The following SOX5 variants were observed in gnomAD, a reference collection of about 807,000 sequenced individuals.
The protein encoded by SOX5 is SRY-box transcription factor 5.
In SOX5, 9 loss-of-function variants were observed where a neutral mutation model predicts 92.0. The observed-to-expected ratio is 0.10, with a 90% confidence interval of 0.06 to 0.17. The LOEUF (loss-of-function observed/expected upper bound fraction) is 0.17. SOX5 is among the 10% of genes least tolerant of loss of function. The probability of loss-of-function intolerance (pLI) is 1.00; values close to 1 mark genes in which losing one functional copy is unlikely to be tolerated. For synonymous variants in SOX5, 344 were observed against 336.3 expected (o/e 1.02, Z -0.25); for missense variants, 642 against 944.5 (o/e 0.68, Z 4.20).
chr12:23,724,948 C>G (rs895157745), intron 6 of SOX5, among the ~76,000 whole-genome samples: 2 of 152,290 alleles, frequency 1.3e-5, no homozygotes, highest in East Asian at 1.9e-4. Context: ...TAGGAGCTTA[C>G]TGCAGTAGTC....
intron 10 of SOX5, among the ~76,000 whole-genome samples, chr12:23,569,876 C>T (rs1445739872): frequency 6.6e-6 from 1 of 152,226 alleles, no homozygotes; most frequent in Non-Finnish European, 1.5e-5. Context: ...TATTGTCTTG[C>T]ATTTGTCTTT....
intron 1 of SOX5, among the ~76,000 whole-genome samples, chr12:24,465,722 G>A (rs1184177246): frequency 6.6e-6 from 1 of 152,118 alleles, no homozygotes; most frequent in Non-Finnish European, 1.5e-5. Flanking sequence ...ATTAGTCAGG[G>A]GCCAAATGAA....
At chr12:23,878,789 A>G (rs555818226) in intron 2 of SOX5, among the ~76,000 whole-genome samples, 34 of 152,066 alleles carry the variant, frequency 2.2e-4, no homozygotes, top group Non-Finnish European at 3.7e-4. Context: ...ACTACATCAT[A>G]CTGACTTTCC....
intron 4 of SOX5, among the ~76,000 whole-genome samples, chr12:24,101,560 C>T (rs1333486920): frequency 2.0e-5 from 3 of 152,096 alleles, no homozygotes; most frequent in Non-Finnish European, 2.9e-5. Flanking sequence ...AGTTCAGTTC[C>T]AGACACATAG....
intron 3 of SOX5, among the ~76,000 whole-genome samples, chr12:23,838,845 G>GGT (rs1407602969): frequency 2.9e-5 from 2 of 69,772 alleles, no homozygotes; most frequent in Non-Finnish European, 6.1e-5. Flanking sequence ...TTTTTTTTTG[G>GGT]GGGGGGGGGG....
At chr12:24,502,174 T>C (rs1199776999) in intron 1 of SOX5, among the ~76,000 whole-genome samples, 2 of 152,238 alleles carry the variant, frequency 1.3e-5, no homozygotes, top group Non-Finnish European at 2.9e-5. Flanking sequence ...GGGCAAGACT[T>C]TACTTTCTAA....
chr12:23,719,834 T>G (rs2092717815), intron 6 of SOX5, among the ~76,000 whole-genome samples: 1 of 149,142 alleles, frequency 6.7e-6, no homozygotes, highest in Non-Finnish European at 1.5e-5. Flanking sequence ...TATTTCTGCA[T>G]TATGTTCATT....
At chr12:24,001,370 G>T (rs1207413490) in intron 4 of SOX5, among the ~76,000 whole-genome samples, 1 of 151,954 alleles carries the variant, frequency 6.6e-6, no homozygotes, top group African/African-American at 2.4e-5. Flanking sequence ...GGGATTACAA[G>T]CATGAGCCAC....
At chr12:24,533,558 T>C (rs1385345548) in intron 1 of SOX5, among the ~76,000 whole-genome samples, 2 of 152,094 alleles carry the variant, frequency 1.3e-5, no homozygotes, top group African/African-American at 4.8e-5. Flanking sequence ...TTTCAGGACA[T>C]CAGTCCAACA....
chr12:24,072,666 T>C (rs1236104900), intron 4 of SOX5, among the ~76,000 whole-genome samples: 8 of 152,238 alleles, frequency 5.3e-5, no homozygotes, highest in Non-Finnish European at 2.9e-5. Context: ...AGCACCATTT[T>C]GTCAACTTCT....
chr12:24,325,443 G>C (rs1249666952), intron 2 of SOX5, among the ~76,000 whole-genome samples: 1 of 152,022 alleles, frequency 6.6e-6, no homozygotes, highest in Non-Finnish European at 1.5e-5. Context: ...AAATAGAGAG[G>C]GAAGAACCGT....
At chr12:24,180,898 A>G (rs990561998) in intron 4 of SOX5, among the ~76,000 whole-genome samples, 2 of 152,186 alleles carry the variant, frequency 1.3e-5, no homozygotes, top group African/African-American at 2.4e-5. Context: ...CAACTCACCC[A>G]TGGCTCACAC....
chr12:24,087,905 C>T (rs1229974632), intron 4 of SOX5, among the ~76,000 whole-genome samples: 1 of 151,856 alleles, frequency 6.6e-6, no homozygotes, highest in African/African-American at 2.4e-5. Context: ...TATTTCTCCC[C>T]CTTACTAATA....
chr12:24,156,633 A>G (rs1334601504), intron 4 of SOX5, among the ~76,000 whole-genome samples: 1 of 152,182 alleles, frequency 6.6e-6, no homozygotes, highest in African/African-American at 2.4e-5. Context: ...TTAAGAAACT[A>G]TAATACAATT....
chr12:24,449,968 C>G (rs1942025774), intron 1 of SOX5, among the ~76,000 whole-genome samples: 1 of 152,186 alleles, frequency 6.6e-6, no homozygotes, highest in South Asian at 2.1e-4. Context: ...TACTACCTAT[C>G]TTTAAGACCA....
chr12:23,981,223 A>G (rs548782881), intron 4 of SOX5, among the ~76,000 whole-genome samples: 346 of 152,228 alleles, frequency 2.3e-3, no homozygotes, highest in Non-Finnish European at 3.8e-3. Context: ...AGTGGAGGAC[A>G]TGGAAGTTCG....
intron 4 of SOX5, among the ~76,000 whole-genome samples, chr12:24,019,132 G>A (rs539428402): frequency 4.6e-5 from 7 of 152,034 alleles, no homozygotes; most frequent in East Asian, 1.9e-4. Context: ...CCACATGCCC[G>A]TCCAACTTTT....
intron 6 of SOX5, among the ~76,000 whole-genome samples, chr12:23,717,135 G>A (rs944098297): frequency 8.5e-5 from 13 of 152,120 alleles, no homozygotes; most frequent in African/African-American, 2.9e-4. Context: ...ACAGGATTCC[G>A]ACAATTGGAG....
chr12:23,751,145 A>G (rs1489014787), intron 4 of SOX5, among the ~76,000 whole-genome samples: 5 of 151,908 alleles, frequency 3.3e-5, no homozygotes, highest in South Asian at 4.1e-4. Context: ...TTAGAAGTAA[A>G]TGACTACATG....
Sources: allele counts gnomAD v4.1 joint callset (sites outside exome capture counted in the v4.1 genomes callset), GRCh38; gene constraint gnomAD v4.1.1; transcripts MANE v1.5; gene names NCBI Gene and HGNC (gene_info 2026-07-23, HGNC 2026-07-21).